The following CELF2 variants were observed in gnomAD, a reference collection of about 807,000 sequenced individuals.
CELF2 encodes the protein CUGBP Elav-like family member 2.
CELF2 carries 8 observed loss-of-function variants against 62.6 expected under a neutral mutation model. The observed-to-expected ratio is 0.13, with a 90% CI of 0.07 to 0.23. The LOEUF is 0.23. CELF2 is among the 10% of genes least tolerant of loss of function. The pLI is 1.00. For missense variants in CELF2, 333 were observed against 671.0 expected (o/e 0.50, Z 5.56); for synonymous variants, 258 against 250.0 (o/e 1.03, Z -0.30).
intron 1 of CELF2, among the ~76,000 whole-genome samples, chr10:10,889,054 T>G (rs2061958348): frequency 6.6e-6 from 1 of 152,226 alleles, no homozygotes; most frequent in Non-Finnish European, 1.5e-5. Context: ...ACCCTCCTTT[T>G]ATTTCTTCTC....
the CELF2 span, among the ~76,000 whole-genome samples, chr10:10,602,082 C>T: frequency 8.5e-5 from 13 of 152,120 alleles, no homozygotes; most frequent in Non-Finnish European, 1.3e-4. Context: ...TTCCTTTTTA[C>T]GGCTGCATAG....
At chr10:10,817,181 A>G (rs978847333) in intron 1 of CELF2, among the ~76,000 whole-genome samples, 1 of 152,182 alleles carries the variant, frequency 6.6e-6, no homozygotes, top group Non-Finnish European at 1.5e-5. Flanking sequence ...GGGCATTAAC[A>G]TGAGGGTTTT....
chr10:10,830,736 A>G (rs902125810), intron 1 of CELF2, among the ~76,000 whole-genome samples: 7 of 152,218 alleles, frequency 4.6e-5, no homozygotes, highest in Admixed American at 6.5e-5. Flanking sequence ...TCGCGTAAAG[A>G]AAATAAGAGA....
intron 1 of CELF2, among the ~76,000 whole-genome samples, chr10:10,833,408 T>C (rs2058034750): frequency 6.6e-6 from 1 of 152,220 alleles, no homozygotes. Context: ...ACACAGCAAC[T>C]GGCAGTACAG....
At position 10,817,595 on chromosome 10, in the gene CELF2, C is replaced by T. The variant is rs375994677; in HGVS notation, c.53+18778C>T. 3.3e-5 allele frequency among the ~76,000 whole-genome samples: 5 copies of T among 152,240 alleles called. 1 individual carries two copies. In the East Asian group the frequency reaches 9.6e-4, roughly 29 times the overall value. On this transcript the variant is annotated intron_variant, in intron 1 of 13. Coordinates refer to the CELF2 transcript ENST00000636488. Reference sequence around the variant, plus strand: ...ACAGTGTTTGTCTTCCTGTGCCTGGCTTACTTCATTTAACATAATGATCTC... The same window carrying T: ...ACAGTGTTTGTCTTCCTGTGCCTGGTTTACTTCATTTAACATAATGATCTC...
chr10:10,887,883 T>C (rs1245395343), intron 1 of CELF2, among the ~76,000 whole-genome samples: 1 of 152,112 alleles, frequency 6.6e-6, no homozygotes, highest in African/African-American at 2.4e-5. Context: ...GCGATTCTCC[T>C]GCCTCAACCT....
In CELF2 at chr10:11,314,014, T is replaced by C. The variant is rs2094745039; in HGVS notation, c.977-125T>C. 1 of 998,044 alleles carries C rather than the reference T, an allele frequency of 1.0e-6. No homozygotes were observed. Among genetic ancestry groups the C allele is most frequent in the Non-Finnish European group, 1.5e-6 (1 of 666,352 alleles). 61.8% of individuals were successfully genotyped at this position (998,044 alleles called of 1,614,324 possible). A position where few individuals can be genotyped will look rare whatever the true frequency, so the allele number is the denominator to read the frequency against. On this transcript the variant is annotated intron_variant, in intron 9 of 12. Transcript: ENST00000633077. The surrounding 1 kb of genome is among the most constrained non-coding windows in gnomAD (Gnocchi z 5.3). Reference sequence around the variant, plus strand: ...CCACAAGTACAATCCCACATGTCCTTCACCCAAAGCCACAAGCACAGCTCC... The same window carrying C: ...CCACAAGTACAATCCCACATGTCCTCCACCCAAAGCCACAAGCACAGCTCC...
At chr10:10,712,184 T>C in the CELF2 span, among the ~76,000 whole-genome samples, 1 of 136,364 alleles carries the variant, frequency 7.3e-6, no homozygotes, top group Non-Finnish European at 1.5e-5. Context: ...CTGGAATCTC[T>C]CAGAATAGGG....
the CELF2 span, among the ~76,000 whole-genome samples, chr10:10,669,597 G>C: frequency 6.6e-6 from 1 of 152,284 alleles, no homozygotes. Context: ...TGGGAGCCAG[G>C]ACCCAAATGC....
chr10:10,827,865 C>T (rs1362897529), intron 1 of CELF2, among the ~76,000 whole-genome samples: 1 of 151,988 alleles, frequency 6.6e-6, no homozygotes, highest in African/African-American at 2.4e-5. Flanking sequence ...TTATAAATCT[C>T]ATTTTTCACT....
At chr10:10,780,129 G>A in the CELF2 span, among the ~76,000 whole-genome samples, 1 of 152,208 alleles carries the variant, frequency 6.6e-6, no homozygotes, top group African/African-American at 2.4e-5. Context: ...AAGAGGAATA[G>A]TCCACACTTT....
intron 8 of CELF2, among the ~76,000 whole-genome samples, chr10:11,286,323 A>G (rs917117662): frequency 6.6e-5 from 10 of 152,196 alleles, no homozygotes; most frequent in African/African-American, 1.9e-4. Flanking sequence ...CCATATGCAT[A>G]TTGTAGGCTT....
intron 1 of CELF2, among the ~76,000 whole-genome samples, chr10:11,163,437 CA>C (rs2066190715): frequency 6.6e-6 from 1 of 152,184 alleles, no homozygotes; most frequent in Admixed American, 6.5e-5. Flanking sequence ...CAAGGGGCTC[CA>C]CTGCCTCCAC....
At chr10:11,286,530 C>T (rs1297057944) in intron 8 of CELF2, among the ~76,000 whole-genome samples, 2 of 152,236 alleles carry the variant, frequency 1.3e-5, no homozygotes, top group Non-Finnish European at 2.9e-5. Flanking sequence ...AACATGCATT[C>T]ATGTGTTTGT....
At chr10:10,826,617 G>T (rs1227736200) in intron 1 of CELF2, among the ~76,000 whole-genome samples, 1 of 152,166 alleles carries the variant, frequency 6.6e-6, no homozygotes, top group Non-Finnish European at 1.5e-5. Context: ...CTGCATCTCT[G>T]TGCTTTACTA....
At chr10:11,271,346 G>A (rs766875887) in intron 7 of CELF2, among the ~76,000 whole-genome samples, 5 of 152,260 alleles carry the variant, frequency 3.3e-5, no homozygotes, top group South Asian at 2.1e-4. Flanking sequence ...ACATCTCTTG[G>A]TGTCTGAACT....
rs1302795400 is a variant in CELF2, at chr10:11,207,343, G to A, written c.272-10082G>A. Among the ~76,000 whole-genome samples, 2 of 152,134 alleles carry A rather than the reference G, an allele frequency of 1.3e-5. No individual in the cohort carries two copies. The highest frequency in any genetic ancestry group is 6.5e-5 in the Admixed American group (1 of 15,288). ...AAATAACAGAAGATGGTTCCTCCAG[G>A]GAAAGTCCCCAGGGCAACAGGAGGC... On this transcript the variant is annotated intron_variant, in intron 2 of 12. Coordinates refer to ENST00000633077, the MANE Select transcript of CELF2 (RefSeq NM_001326342.2). This position sits in a 1 kb window ranked among gnomAD's most constrained non-coding sequence, Gnocchi z 4.1.
In CELF2 at chr10:11,324,029, A is replaced by AT. The variant is rs1481183640; in HGVS notation, c.1295-1800dup. Among the ~76,000 whole-genome samples, 1 of 151,668 alleles carries AT rather than the reference A, an allele frequency of 6.6e-6. No homozygotes were observed. Among genetic ancestry groups the AT allele is most frequent in the Non-Finnish European group, 1.5e-5 (1 of 67,930 alleles). On this transcript the variant is annotated intron_variant, in intron 11 of 12. Coordinates refer to ENST00000633077, the MANE Select transcript of CELF2 (RefSeq NM_001326342.2). The surrounding 1 kb of genome is among the most constrained non-coding windows in gnomAD (Gnocchi z 4.7). The stretch of plus-strand genomic sequence containing the variant: ...ATCTATGTCAAGAGATGGTGCTGAC[A>AT]TTTTTTTCTTGGGAATATCAGGAGC...
At chr10:11,169,815 A>C (rs2068294030) in intron 2 of CELF2, among the ~76,000 whole-genome samples, 1 of 152,162 alleles carries the variant, frequency 6.6e-6, no homozygotes. Context: ...CTTGATAACT[A>C]AATTGGGCTC....
Sources: gnomAD v4.1 joint callset for allele counts (sites outside exome capture counted in the v4.1 genomes callset) on GRCh38, gnomAD v4.1.1 for gene constraint, Gnocchi (gnomAD v3.1) non-coding constraint, MANE v1.5 for transcripts, NCBI Gene and HGNC (gene_info 2026-07-23, HGNC 2026-07-21) for gene names.